Variants in SLC1A2 observed in about 807,000 individuals in gnomAD.
The protein encoded by SLC1A2 is excitatory amino acid transporter 2.
Under a neutral mutation model 48.8 loss-of-function variants are expected in SLC1A2, and 15 were observed. The ratio of observed to expected loss-of-function variants is 0.31; its 90% CI spans 0.21 to 0.47. The LOEUF (loss-of-function observed/expected upper bound fraction) is 0.47. Ranked by LOEUF, SLC1A2 falls within the 20% of genes least tolerant of loss-of-function variation. The probability of loss-of-function intolerance (pLI) is 0.99; values close to 1 mark genes in which losing one functional copy is unlikely to be tolerated. For missense variants in SLC1A2, 502 were observed against 730.5 expected (o/e 0.69, Z 3.61); for synonymous variants, 279 against 272.6 (o/e 1.02, Z -0.23).
chr11:35,322,456 C>T, intron 1 of SLC1A2: 1 of 675,032 alleles, frequency 1.5e-6, no homozygotes, highest in Non-Finnish European at 2.5e-6. Flanking sequence ...TTTTTTCCAC[C>T]TTCACTGATT....
chr11:35,361,612 A>G (rs922634037), intron 1 of SLC1A2, among the ~76,000 whole-genome samples: 4 of 152,246 alleles, frequency 2.6e-5, no homozygotes, highest in East Asian at 1.9e-4. Context: ...GAGGGGACAA[A>G]TGGGTGAGAA....
chr11:35,287,014 T>C lies in SLC1A2; in HGVS notation c.1092-63A>G. 4.7e-6 allele frequency: 6 copies of C among 1,264,702 alleles called. No homozygotes were observed. In the Middle Eastern group the frequency reaches 8.9e-4, roughly 188 times the overall value. 78.3% of individuals were successfully genotyped at this position (1,264,702 alleles called of 1,614,324 possible). The stretch of plus-strand genomic sequence containing the variant: ...CACTTTAGAGAAGCAGGACAATGCA[T>C]AAACTGGAATGCCACTGCATCCTTA... On this transcript the variant is annotated intron_variant, in intron 7 of 10. Coordinates refer to ENST00000278379, the MANE Select transcript of SLC1A2 (RefSeq NM_004171.4).
At chr11:35,329,621 G>C (rs933151520) in intron 1 of SLC1A2, among the ~76,000 whole-genome samples, 6 of 152,192 alleles carry the variant, frequency 3.9e-5, no homozygotes, top group Non-Finnish European at 8.8e-5. Flanking sequence ...ATCACATCTG[G>C]ATGGGGCCTA....
At chr11:35,417,017 GA>G (rs1855631352) in intron 1 of SLC1A2, among the ~76,000 whole-genome samples, 1 of 152,166 alleles carries the variant, frequency 6.6e-6, no homozygotes, top group South Asian at 2.1e-4. Flanking sequence ...AAGAAGAAAG[GA>G]AAGACCAGGG....
At position 35,258,438 on chromosome 11, in the gene SLC1A2, C is replaced by T. The variant is rs1408546729; in HGVS notation, c.*2456G>A. ...CAGGCAGAGTTCTGAGAAGAGAATC[C>T]TGTGACCACTCCATTGAGAAACATG... On this transcript the variant is annotated 3_prime_UTR_variant, in exon 11 of 11. Coordinates refer to ENST00000278379, the MANE Select transcript of SLC1A2 (RefSeq NM_004171.4). The T allele has an allele frequency of 6.6e-6, 1 of 152,566 alleles. No individual in the cohort carries two copies. Among genetic ancestry groups the T allele is most frequent in the Non-Finnish European group, 1.5e-5 (1 of 68,052 alleles). 9.5% of individuals were successfully genotyped at this position (152,566 alleles called of 1,614,324 possible).
intron 1 of SLC1A2, among the ~76,000 whole-genome samples, chr11:35,388,566 T>G (rs1345224786): frequency 6.6e-6 from 1 of 152,202 alleles, no homozygotes; most frequent in Admixed American, 6.5e-5. Flanking sequence ...TTTAAATTTT[T>G]GTATTTTTTA....
At chr11:35,349,286 C>G (rs1042567174) in intron 1 of SLC1A2, among the ~76,000 whole-genome samples, 2 of 152,086 alleles carry the variant, frequency 1.3e-5, no homozygotes, top group Admixed American at 1.3e-4. Flanking sequence ...ATCAAAAATA[C>G]AAAGGGAATC....
intron 1 of SLC1A2, among the ~76,000 whole-genome samples, chr11:35,333,664 C>CT (rs201614526): frequency 4.0e-5 from 6 of 150,822 alleles, no homozygotes; most frequent in South Asian, 4.2e-4. Flanking sequence ...TTTTCTTTCT[C>CT]TTTTTTTTTC....
chr11:35,281,377 T>G (rs1361621931), intron 8 of SLC1A2, among the ~76,000 whole-genome samples: 2 of 152,166 alleles, frequency 1.3e-5, no homozygotes, highest in Non-Finnish European at 2.9e-5. Context: ...ACAACTGCAT[T>G]CATTTCTGCT....
In SLC1A2 at chr11:35,315,182, G is replaced by C. The variant is rs1328129285; in HGVS notation, c.158-7C>G. 1 of 1,612,002 alleles carries C rather than the reference G, an allele frequency of 6.2e-7. No homozygotes were observed. The highest frequency in any genetic ancestry group is 8.5e-7 in the Non-Finnish European group (1 of 1,178,574). ...ACTGCTCCCAGGATGACACCTAAAAGGAAGGGGAAAACAATATGAATTTAT... is the reference window on the plus strand; with the variant it reads ...ACTGCTCCCAGGATGACACCTAAAACGAAGGGGAAAACAATATGAATTTAT... On this transcript the variant is annotated splice_region_variant and splice_polypyrimidine_tract_variant and intron_variant, in intron 2 of 10. Coordinates refer to ENST00000278379, the MANE Select transcript of SLC1A2 (RefSeq NM_004171.4).
rs927171502 is a variant in SLC1A2, at chr11:35,283,760, C to T, written c.1287-2759G>A. Among the ~76,000 whole-genome samples, 9 of 152,042 alleles carry T rather than the reference C, an allele frequency of 5.9e-5. No individual in the cohort carries two copies. In the East Asian group the frequency reaches 1.7e-3, roughly 29 times the overall value. On this transcript the variant is annotated intron_variant, in intron 8 of 10. Transcript: ENST00000278379. ...TTAAAGCAAGGGAGGTTAGTAGTCTCGTGATATCTGTTAGGACATAATTTT... is the reference window on the plus strand; with the variant it reads ...TTAAAGCAAGGGAGGTTAGTAGTCTTGTGATATCTGTTAGGACATAATTTT...
rs374360036 is a variant in SLC1A2 at position 35,315,170 on chromosome 11, T to A, written c.163A>T (p.Ile55Phe). Residue 55 changes from isoleucine (I) to phenylalanine (F), a missense_variant, in exon 3 of 11, where the codon ATC (isoleucine) becomes TTC (phenylalanine). Transcript: ENST00000278379. ...AGCCCTCCACACACTGCTCCCAGGA[T>A]GACACCTAAAAGGAAGGGGAAAACA... is the stretch of plus-strand genomic sequence containing the variant. The part of the protein sequence containing the change: ...LLLTLTVFGV[I>F]LGAVCGGLLR... The A allele has an allele frequency of 2.5e-6, 4 of 1,613,384 alleles. No homozygotes were observed. The South Asian group carries it at 3.3e-5, about 13-fold the overall frequency.
intron 1 of SLC1A2, among the ~76,000 whole-genome samples, chr11:35,351,547 T>C (rs960148262): frequency 6.6e-6 from 1 of 152,208 alleles, no homozygotes; most frequent in Admixed American, 6.5e-5. Context: ...TCAGATACAG[T>C]ATGATTGGGA....
intron 1 of SLC1A2, among the ~76,000 whole-genome samples, chr11:35,376,438 G>A (rs575637320): frequency 4.6e-5 from 7 of 152,278 alleles, no homozygotes; most frequent in East Asian, 1.9e-4. Context: ...TAATACGTAC[G>A]ATACCATTAA....
intron 1 of SLC1A2, among the ~76,000 whole-genome samples, chr11:35,337,618 G>A (rs1369255790): frequency 1.3e-5 from 2 of 152,134 alleles, no homozygotes; most frequent in Non-Finnish European, 2.9e-5. Flanking sequence ...TGTACCATGG[G>A]TGTACCAGTA....
At chr11:35,329,321 A>T (rs150957158) in intron 1 of SLC1A2, among the ~76,000 whole-genome samples, 5 of 152,310 alleles carry the variant, frequency 3.3e-5, no homozygotes, top group Non-Finnish European at 7.4e-5. Context: ...CAAACCCATG[A>T]ATGTACAACA....
At chr11:35,355,563 G>A (rs578236320) in intron 1 of SLC1A2, among the ~76,000 whole-genome samples, 3 of 152,272 alleles carry the variant, frequency 2.0e-5, no homozygotes, top group Admixed American at 6.5e-5. Flanking sequence ...GCTGTAGAGG[G>A]AGTGAGGCCA....
chr11:35,313,548 CT>C (rs1349168692), intron 3 of SLC1A2, among the ~76,000 whole-genome samples: 2 of 152,046 alleles, frequency 1.3e-5, no homozygotes, highest in Non-Finnish European at 2.9e-5. Flanking sequence ...GGTGTTAGTC[CT>C]TTTTGCTATG....
chr11:35,360,439 C>T (rs1853637156), intron 1 of SLC1A2, among the ~76,000 whole-genome samples: 1 of 152,136 alleles, frequency 6.6e-6, no homozygotes, highest in African/African-American at 2.4e-5. Flanking sequence ...GATGACCTTC[C>T]CTGGGTGCCT....
Sources: allele counts gnomAD v4.1 joint callset (sites outside exome capture counted in the v4.1 genomes callset), GRCh38; gene constraint gnomAD v4.1.1; transcripts MANE v1.5; gene names NCBI Gene and HGNC (gene_info 2026-07-23, HGNC 2026-07-21).